ZNF385D: variants seen among roughly 807,000 people sequenced by gnomAD.
ZNF385D encodes the protein zinc finger protein 659.
Under a neutral mutation model 35.8 loss-of-function variants are expected in ZNF385D, and 15 were observed. The observed-to-expected ratio is 0.42, with a 90% CI of 0.28 to 0.64. The LOEUF (loss-of-function observed/expected upper bound fraction) is 0.64. ZNF385D is among the 30% of genes least tolerant of loss of function. The probability of loss-of-function intolerance (pLI) is 0.23; values close to 1 mark genes in which losing one functional copy is unlikely to be tolerated. For missense variants in ZNF385D, 474 were observed against 494.6 expected, an observed-to-expected ratio of 0.96 and a Z score of 0.39; for synonymous variants, 212 against 186.8, an observed-to-expected ratio of 1.13 and a Z score of -1.10.
chr3:22,227,512 T>C (rs987048509), intron 2 of ZNF385D, among the ~76,000 whole-genome samples: 1 of 152,140 alleles, frequency 6.6e-6, no homozygotes, highest in African/African-American at 2.4e-5. Context: ...TTTGACACAG[T>C]TGTCTTGGCT....
intron 3 of ZNF385D, among the ~76,000 whole-genome samples, chr3:22,142,129 A>G (rs1238067927): frequency 6.6e-6 from 1 of 152,180 alleles, no homozygotes; most frequent in Non-Finnish European, 1.5e-5. Context: ...ACCCACACCT[A>G]ACCCAGGATG....
At chr3:22,337,429 G>A (rs956011357) in intron 2 of ZNF385D, among the ~76,000 whole-genome samples, 2 of 152,130 alleles carry the variant, frequency 1.3e-5, no homozygotes, top group Non-Finnish European at 2.9e-5. Context: ...AGCTACTCAA[G>A]AGGCAGAGGA....
intron 2 of ZNF385D, among the ~76,000 whole-genome samples, chr3:22,186,609 G>A (rs1227324162): frequency 6.6e-6 from 1 of 151,766 alleles, no homozygotes; most frequent in Non-Finnish European, 1.5e-5. Flanking sequence ...TTCCTTGTAA[G>A]TCTGTATACA....
At chr3:21,533,147 G>A (rs2061961816) in intron 3 of ZNF385D, among the ~76,000 whole-genome samples, 1 of 152,188 alleles carries the variant, frequency 6.6e-6, no homozygotes, top group African/African-American at 2.4e-5. Context: ...ACGAGTGAGT[G>A]AAAGAGCAGG....
At chr3:22,158,249 T>G (rs1705718644) in intron 3 of ZNF385D, among the ~76,000 whole-genome samples, 1 of 152,070 alleles carries the variant, frequency 6.6e-6, no homozygotes, top group African/African-American at 2.4e-5. Flanking sequence ...CATAAGTAAA[T>G]TCATCACAAT....
intron 2 of ZNF385D, among the ~76,000 whole-genome samples, chr3:21,597,072 G>A (rs3901771): frequency 0.11 from 16,709 of 151,848 alleles, 1,127 homozygotes; most frequent in East Asian, 0.25. Context: ...TTTTAGATTC[G>A]AAAAAAATAC....
chr3:21,770,415 A>C (rs2071026912), intron 3 of ZNF385D, among the ~76,000 whole-genome samples: 1 of 152,210 alleles, frequency 6.6e-6, no homozygotes, highest in African/African-American at 2.4e-5. Context: ...AACCCCATCA[A>C]AAAGTGGGCA....
At chr3:21,713,534 A>G (rs745965304) in intron 1 of ZNF385D, among the ~76,000 whole-genome samples, 12 of 152,130 alleles carry the variant, frequency 7.9e-5, no homozygotes, top group South Asian at 2.1e-4. Flanking sequence ...CAAATTTCAT[A>G]TCCTCCAAAC....
At chr3:22,212,769 T>G (rs193212215) in intron 2 of ZNF385D, among the ~76,000 whole-genome samples, 5 of 152,022 alleles carry the variant, frequency 3.3e-5, no homozygotes, top group Non-Finnish European at 7.4e-5. Context: ...ACAGAGATAA[T>G]AGTATAGCTA....
At chr3:22,119,705 T>C (rs964242894) in intron 3 of ZNF385D, among the ~76,000 whole-genome samples, 11 of 152,188 alleles carry the variant, frequency 7.2e-5, no homozygotes, top group Non-Finnish European at 8.8e-5. Context: ...TTGGAAGATA[T>C]GCTGTTTTAC....
intron 2 of ZNF385D, among the ~76,000 whole-genome samples, chr3:22,216,751 G>A (rs930327560): frequency 2.6e-5 from 4 of 152,056 alleles, no homozygotes; most frequent in East Asian, 1.9e-4. Flanking sequence ...CCACACTTGC[G>A]AATTTCCTTT....
intron 3 of ZNF385D, among the ~76,000 whole-genome samples, chr3:21,925,700 T>C (rs2125233643): frequency 6.6e-6 from 1 of 152,218 alleles, no homozygotes; most frequent in South Asian, 2.1e-4. Context: ...CTACAGACTC[T>C]GAGAAAATAT....
chr3:21,927,022 A>G (rs758479295), intron 3 of ZNF385D, among the ~76,000 whole-genome samples: 1 of 152,110 alleles, frequency 6.6e-6, no homozygotes, highest in Non-Finnish European at 1.5e-5. Flanking sequence ...ATGAGGACAG[A>G]TCACTCCTGA....
intron 3 of ZNF385D, among the ~76,000 whole-genome samples, chr3:22,029,265 T>C (rs1214791263): frequency 6.6e-6 from 1 of 152,206 alleles, no homozygotes; most frequent in African/African-American, 2.4e-5. Context: ...ATTAATCTAT[T>C]ACTCCAGCAT....
At chr3:21,825,191 T>C (rs1193703444) in intron 3 of ZNF385D, among the ~76,000 whole-genome samples, 1 of 152,182 alleles carries the variant, frequency 6.6e-6, no homozygotes, top group Non-Finnish European at 1.5e-5. Flanking sequence ...ATTCTGATTA[T>C]TTTTTCACCA....
chr3:21,709,033 T>C lies in ZNF385D; in HGVS notation c.22+41862A>G, dbSNP rs76361913. Among the ~76,000 whole-genome samples the C allele has an allele frequency of 9.1e-3, 1,385 of 152,254 alleles. 16 individuals carry two copies. Among genetic ancestry groups the C allele is most frequent in the African/African-American group, 0.031 (1,270 of 41,540 alleles). On this transcript the variant is annotated intron_variant, in intron 1 of 7. Transcript: ENST00000281523. ...AGAGATTTAGGAACACATGGGTAGA[T>C]TGGAACTTAGGTTGTAATTAAAACT...
At chr3:22,252,306 T>C (rs1240144672) in intron 2 of ZNF385D, among the ~76,000 whole-genome samples, 1 of 152,080 alleles carries the variant, frequency 6.6e-6, no homozygotes, top group Non-Finnish European at 1.5e-5. Flanking sequence ...AATTTTTCCC[T>C]GATTTAAACA....
At chr3:22,102,650 C>T (rs1701998712) in intron 3 of ZNF385D, among the ~76,000 whole-genome samples, 1 of 151,986 alleles carries the variant, frequency 6.6e-6, no homozygotes, top group Non-Finnish European at 1.5e-5. Flanking sequence ...ATATTGATGA[C>T]TGGGGTAGAG....
intron 2 of ZNF385D, among the ~76,000 whole-genome samples, chr3:22,331,887 C>T (rs921024872): frequency 3.9e-5 from 6 of 152,078 alleles, no homozygotes; most frequent in African/African-American, 1.4e-4. Context: ...TAGTAACTTT[C>T]AAAAAATATG....
Sources: gnomAD v4.1 joint callset for allele counts (sites outside exome capture counted in the v4.1 genomes callset) on GRCh38, gnomAD v4.1.1 for gene constraint, MANE v1.5 for transcripts, NCBI Gene and HGNC (gene_info 2026-07-23, HGNC 2026-07-21) for gene names.